The following DNAH7 variants were observed in gnomAD, a reference collection of about 807,000 sequenced individuals.
The protein encoded by DNAH7 is axonemal beta dynein heavy chain 7.
In DNAH7, 397 loss-of-function variants were observed where a neutral mutation model predicts 444.6. The ratio of observed to expected loss-of-function variants is 0.89; its 90% CI spans 0.82 to 0.97. DNAH7 has a LOEUF of 0.97. DNAH7 is among the 50% of genes least tolerant of loss of function. DNAH7 has a pLI of 0.00. For missense variants in DNAH7, 4,902 were observed against 4,800.8 expected (o/e 1.02, Z -0.62); for synonymous variants, 1,636 against 1,624.4 (o/e 1.01, Z -0.17).
At chr2:195,739,463 C>G (rs1692857682) in intron 64 of DNAH7, among the ~76,000 whole-genome samples, 1 of 152,178 alleles carries the variant, frequency 6.6e-6, no homozygotes, top group South Asian at 2.1e-4. Context: ...TTGCTATTTT[C>G]TTAAGCCATT....
intron 12 of DNAH7, chr2:195,994,444 C>T: frequency 1.7e-6 from 1 of 592,334 alleles, no homozygotes; most frequent in Non-Finnish European, 3.1e-6. Context: ...GCTGGGGAGG[C>T]CAAGGGAGAA....
chr2:196,041,478 A>G (rs1474706759), intron 5 of DNAH7, among the ~76,000 whole-genome samples: 1 of 152,116 alleles, frequency 6.6e-6, no homozygotes, highest in African/African-American at 2.4e-5. Context: ...AGCCTCTTCA[A>G]TAAATGGTGC....
chr2:195,740,644 T>C lies in DNAH7; in HGVS notation c.11868+122A>G, dbSNP rs13002011. 542 of 126,586 alleles carry C rather than the reference T, an allele frequency of 4.3e-3. 14 individuals are homozygous for C. The highest frequency in any genetic ancestry group is 0.011 in the African/African-American group (226 of 20,716). 7.8% of individuals were successfully genotyped at this position (126,586 alleles called of 1,614,324 possible). On this transcript the variant is annotated intron_variant, in intron 64 of 64. Transcript: ENST00000312428. ...ATATATATATATATATATATATATA[T>C]ACATATACACACACACATATGTATA...
chr2:195,740,643 ATAC>A, intron 64 of DNAH7, 120 bp downstream of exon 64: 1 of 73,708 alleles, frequency 1.4e-5, no homozygotes, highest in Admixed American at 1.3e-4. Flanking sequence ...ATATATATAT[ATAC>A]ATATACACAC....
intron 42 of DNAH7, among the ~76,000 whole-genome samples, chr2:195,859,784 G>C (rs953345845): frequency 1.3e-5 from 2 of 152,158 alleles, no homozygotes; most frequent in Non-Finnish European, 2.9e-5. Flanking sequence ...TTATCTGTGA[G>C]TTTGGTTTCA....
At chr2:195,808,902 AG>A (rs1696831809) in intron 52 of DNAH7, 26 bp from the exon 53 acceptor site, 1 of 1,600,674 alleles carries the variant, frequency 6.2e-7, no homozygotes. Flanking sequence ...CAGCGTGAAG[AG>A]TCAGAAACGA....
intron 35 of DNAH7, among the ~76,000 whole-genome samples, chr2:195,882,348 A>T (rs995880963): frequency 1.8e-4 from 28 of 152,232 alleles, no homozygotes; most frequent in Admixed American, 1.8e-3. Context: ...TTATTCAATA[A>T]ATGTTAACCA....
At chr2:195,887,481 C>G (rs1701772109) in intron 33 of DNAH7, among the ~76,000 whole-genome samples, 1 of 152,122 alleles carries the variant, frequency 6.6e-6, no homozygotes, top group African/African-American at 2.4e-5. Flanking sequence ...GAGTCTATCT[C>G]TTGCTCTCTT....
Position 195,864,029 on chromosome 2 carries a change from G to C in DNAH7, c.7506+120C>G, listed in dbSNP as rs1700171850. On this transcript the variant is annotated intron_variant, in intron 41 of 64. Transcript: ENST00000312428. Reference sequence around the variant, plus strand: ...TAATTTCATAAGATATAACTGATCAGAAGATTCTGCTAAACAATATTTTGG... The same window carrying C: ...TAATTTCATAAGATATAACTGATCACAAGATTCTGCTAAACAATATTTTGG... 7 of 899,326 alleles carry C rather than the reference G, an allele frequency of 7.8e-6. No homozygotes were observed. In the South Asian group the frequency reaches 1.1e-4, roughly 14 times the overall value. 55.7% of individuals were successfully genotyped at this position (899,326 alleles called of 1,614,324 possible).
chr2:195,833,456 G>T (rs1698169781), intron 48 of DNAH7, among the ~76,000 whole-genome samples: 1 of 152,096 alleles, frequency 6.6e-6, no homozygotes, highest in Non-Finnish European at 1.5e-5. Flanking sequence ...ATTATATTAG[G>T]TCTAATAACA....
At chr2:195,792,322 C>A (rs558716434) in intron 57 of DNAH7, among the ~76,000 whole-genome samples, 1 of 151,200 alleles carries the variant, frequency 6.6e-6, no homozygotes, top group South Asian at 2.1e-4. Context: ...ACTTAATATA[C>A]CCATTTAACA....
chr2:195,832,007 G>T (rs1260644154), intron 48 of DNAH7, among the ~76,000 whole-genome samples: 1 of 152,010 alleles, frequency 6.6e-6, no homozygotes, highest in Admixed American at 6.6e-5. Context: ...ACTCAAAGTA[G>T]GAAATACATT....
At chr2:195,869,742 C>A (rs1235983229) in intron 40 of DNAH7, among the ~76,000 whole-genome samples, 1 of 152,056 alleles carries the variant, frequency 6.6e-6, no homozygotes, top group Non-Finnish European at 1.5e-5. Context: ...CAGGAGGCAG[C>A]CTGAGGGGAA....
intron 48 of DNAH7, among the ~76,000 whole-genome samples, chr2:195,833,311 T>A (rs2124952416): frequency 6.6e-6 from 1 of 152,336 alleles, no homozygotes; most frequent in Non-Finnish European, 1.5e-5. Context: ...ATAGGTAGAC[T>A]TAGACTGTCT....
In DNAH7 at chr2:195,881,921, A is replaced by G. The variant is rs1193190059; in HGVS notation, c.5835T>C (p.Phe1945=). The part of the protein sequence containing the change: ...EAPPIPKDVM[F]NEIIVPTLDT... ...CCAGAGTTGGCACAATGATTTCATT[A>G]AACATTACATCTTTAGGAATTGGAG... Residue 1945 remains phenylalanine, a synonymous_variant, in exon 36 of 65, where the codon TTT becomes TTC. Transcript: ENST00000312428. 1.9e-6 allele frequency: 3 copies of G among 1,613,884 alleles called. No individual in the cohort carries two copies. The highest frequency in any genetic ancestry group is 1.3e-5 in the African/African-American group (1 of 74,922).
intron 37 of DNAH7, among the ~76,000 whole-genome samples, 179 bp from the exon 38 acceptor site, chr2:195,876,022 T>C (rs944221702): frequency 6.6e-6 from 1 of 152,236 alleles, no homozygotes; most frequent in African/African-American, 2.4e-5. Flanking sequence ...AGGATTCATA[T>C]TCCTTAAGAA....
chr2:195,885,425 T>C (rs1267347814), intron 34 of DNAH7, among the ~76,000 whole-genome samples: 1 of 152,208 alleles, frequency 6.6e-6, no homozygotes, highest in Non-Finnish European at 1.5e-5. Context: ...CAAGAGATTC[T>C]GGACTATGCT....
At chr2:195,994,732 C>A in intron 12 of DNAH7, 1 of 476,286 alleles carries the variant, frequency 2.1e-6, no homozygotes, top group South Asian at 1.7e-5. Flanking sequence ...ACTAAGTTTT[C>A]AAATATCTTG....
chr2:195,977,127 T>A (rs147174450), intron 15 of DNAH7, among the ~76,000 whole-genome samples: 1 of 152,138 alleles, frequency 6.6e-6, no homozygotes, highest in African/African-American at 2.4e-5. Context: ...CAAGAAAACA[T>A]AACCTCATCA....
Sources: gnomAD v4.1 joint callset for allele counts (sites outside exome capture counted in the v4.1 genomes callset) on GRCh38, gnomAD v4.1.1 for gene constraint, MANE v1.5 for transcripts, NCBI Gene and HGNC (gene_info 2026-07-23, HGNC 2026-07-21) for gene names.